HIVEP3: variants seen among roughly 807,000 people sequenced by gnomAD.
The protein encoded by HIVEP3 is HIVEP zinc finger 3, also known as transcription factor HIVEP3.
A neutral mutation model predicts 152.8 loss-of-function variants in HIVEP3; 49 were observed. That is an observed-to-expected ratio of 0.32 (90% CI 0.26 to 0.41). HIVEP3 has a LOEUF of 0.41. Ranked by LOEUF, HIVEP3 falls within the 10% of genes least tolerant of loss-of-function variation. The pLI is 1.00. For missense variants in HIVEP3, 2,790 were observed against 3,103.3 expected (o/e 0.90, Z 2.40); for synonymous variants, 1,269 against 1,289.0 (o/e 0.98, Z 0.33).
chr1:41,607,109 C>T (rs994884564), intron 3 of HIVEP3, among the ~76,000 whole-genome samples: 3 of 152,132 alleles, frequency 2.0e-5, no homozygotes, highest in African/African-American at 7.2e-5. Context: ...AGGTGTGAGC[C>T]ACCAAGCCTG....
At chr1:41,545,386 C>CCAT (rs1473723802) in intron 5 of HIVEP3, among the ~76,000 whole-genome samples, 1 of 59,520 alleles carries the variant, frequency 1.7e-5, no homozygotes, top group South Asian at 7.0e-4. Context: ...ACTACCACCA[C>CCAT]CACCAATACC....
chr1:41,638,302 A>C (rs1310657876), intron 2 of HIVEP3, among the ~76,000 whole-genome samples: 2 of 127,088 alleles, frequency 1.6e-5, no homozygotes, highest in African/African-American at 6.6e-5. Flanking sequence ...GGAAGGAGAG[A>C]GAAAGAAAGG....
intron 2 of HIVEP3, among the ~76,000 whole-genome samples, chr1:41,671,882 A>G (rs2124071871): frequency 6.6e-6 from 1 of 152,344 alleles, no homozygotes; most frequent in Middle Eastern, 3.4e-3. Flanking sequence ...AAAGCCAGGA[A>G]AAGCTATGGA....
chr1:41,711,439 G>A (rs905125301), intron 1 of HIVEP3, among the ~76,000 whole-genome samples: 3 of 152,206 alleles, frequency 2.0e-5, no homozygotes, highest in East Asian at 1.9e-4. Context: ...TAAGGAGCAC[G>A]GTGAAAAAGC....
intron 2 of HIVEP3, among the ~76,000 whole-genome samples, chr1:41,697,917 A>G (rs555390159): frequency 6.6e-6 from 1 of 152,290 alleles, no homozygotes; most frequent in East Asian, 1.9e-4. Flanking sequence ...ATTCAAGCAT[A>G]GACTCTGGGG....
chr1:41,798,361 C>A (rs1331672788), intron 1 of HIVEP3, among the ~76,000 whole-genome samples: 1 of 151,934 alleles, frequency 6.6e-6, no homozygotes, highest in Non-Finnish European at 1.5e-5. Flanking sequence ...CCCTTGTCAG[C>A]ACCATTGAGT....
intron 3 of HIVEP3, among the ~76,000 whole-genome samples, chr1:41,610,786 C>G (rs370067439): frequency 6.6e-6 from 1 of 152,186 alleles, no homozygotes; most frequent in Non-Finnish European, 1.5e-5. Flanking sequence ...ATCTGACCTC[C>G]AGATCTTCCT....
chr1:42,006,736 C>T (rs1339110692), intron 1 of HIVEP3, among the ~76,000 whole-genome samples: 2 of 152,056 alleles, frequency 1.3e-5, no homozygotes, highest in Admixed American at 1.3e-4. Context: ...ACTGTACACC[C>T]GTGAGAATGA....
At chr1:41,827,091 A>C (rs975983173) in intron 1 of HIVEP3, among the ~76,000 whole-genome samples, 3 of 152,168 alleles carry the variant, frequency 2.0e-5, no homozygotes, top group African/African-American at 7.2e-5. Flanking sequence ...ACCCAGGAAG[A>C]TGGTCACCAC....
In HIVEP3 at chr1:41,533,962, C is replaced by T. The variant is rs995522758; in HGVS notation, c.5208-9052G>A. Among the ~76,000 whole-genome samples the T allele has an allele frequency of 5.3e-5, 8 of 152,132 alleles. No individual in the cohort carries two copies. Among genetic ancestry groups the T allele is most frequent in the Admixed American group, 5.2e-4 (8 of 15,290 alleles). On this transcript the variant is annotated intron_variant, in intron 5 of 8. Transcript: ENST00000372583. This position sits in a 1 kb window ranked among gnomAD's most constrained non-coding sequence, Gnocchi z 4.3. ...CCCCGTTCTCTCTCAGCAAGCAGCA[C>T]CTGCACTCGTGTGGCTGGCCAGCCC...
intron 3 of HIVEP3, among the ~76,000 whole-genome samples, chr1:41,612,150 C>G (rs1644907435): frequency 6.6e-6 from 1 of 152,104 alleles, no homozygotes. Flanking sequence ...GGGTTCAAGC[C>G]CCTCCCTTGG....
rs568963155 is a variant in HIVEP3, at chr1:42,021,813, C to T, written n.119+13994G>A. Among the ~76,000 whole-genome samples the T allele has an allele frequency of 2.0e-3, 312 of 152,290 alleles. 1 individual carries two copies. The highest frequency in any genetic ancestry group is 7.2e-3 in the African/African-American group (298 of 41,544). On this transcript the variant is annotated intron_variant and non_coding_transcript_variant, in intron 1 of 3. Transcript: ENST00000489103. ...GTTTCTGAATTCTTTACTCTGCTCT[C>T]CTGATCTTTCTGTCTGTCTATTCTT...
intron 2 of HIVEP3, among the ~76,000 whole-genome samples, chr1:41,655,618 G>C (rs1645618196): frequency 6.8e-6 from 1 of 147,846 alleles, no homozygotes; most frequent in African/African-American, 2.5e-5. Flanking sequence ...GAGAGGGAGA[G>C]AGAGAGAAAA....
chr1:41,701,739 CT>C (rs1646366267), intron 1 of HIVEP3, among the ~76,000 whole-genome samples: 3 of 152,296 alleles, frequency 2.0e-5, no homozygotes, highest in Admixed American at 2.0e-4. Flanking sequence ...TTACAATTAA[CT>C]TGTATTTTAG....
chr1:41,712,641 G>T (rs551613205), intron 1 of HIVEP3, among the ~76,000 whole-genome samples: 1 of 152,190 alleles, frequency 6.6e-6, no homozygotes, highest in Admixed American at 6.5e-5. Flanking sequence ...GGAAACCAGC[G>T]TCCTGAGCTG....
intron 2 of HIVEP3, among the ~76,000 whole-genome samples, chr1:41,679,585 A>AGCTGACCAGCCTACAAGGTGCT (rs1553247654): frequency 6.6e-6 from 1 of 152,030 alleles, no homozygotes; most frequent in Non-Finnish European, 1.5e-5. Flanking sequence ...TATGGAGGGG[A>AGCTGACCAGCCTACAAGGTGCT]GCTGACCAGC....
At chr1:41,714,184 C>A (rs1435023235) in intron 1 of HIVEP3, among the ~76,000 whole-genome samples, 1 of 152,130 alleles carries the variant, frequency 6.6e-6, no homozygotes, top group African/African-American at 2.4e-5. Context: ...TGGATTTTAA[C>A]CCTCTGATGT....
rs751997104 is a variant in HIVEP3, at chr1:41,581,612, G to A, written c.3186C>T (p.Ala1062=). 2 of 1,613,998 alleles carry A rather than the reference G, an allele frequency of 1.2e-6. No individual in the cohort carries two copies. The highest frequency in any genetic ancestry group is 1.3e-5 in the African/African-American group (1 of 74,922). The change falls in exon 4 of 9, where the codon GCC becomes GCT. Residue 1062 remains alanine, a synonymous_variant. Transcript: ENST00000372583. This position sits in a 1 kb window ranked among gnomAD's most constrained non-coding sequence, Gnocchi z 4.5. ...SRPPESELEV[A]PKGRQESEEP... ...CTTCGCTCTCCTGTCTTCCCTTGGG[G>A]GCAACCTCCAACTCAGATTCTGGAG...
At chr1:41,621,655 G>A (rs1645049225) in intron 3 of HIVEP3, among the ~76,000 whole-genome samples, 1 of 152,328 alleles carries the variant, frequency 6.6e-6, no homozygotes. Flanking sequence ...AGGACTACAG[G>A]AGTATGACCA....
Sources: allele counts gnomAD v4.1 joint callset (sites outside exome capture counted in the v4.1 genomes callset), GRCh38; gene constraint gnomAD v4.1.1; non-coding constraint Gnocchi (gnomAD v3.1); transcripts MANE v1.5; gene names NCBI Gene and HGNC (gene_info 2026-07-23, HGNC 2026-07-21).